The following FOXP1 variants were observed in gnomAD, a reference collection of about 807,000 sequenced individuals.
FOXP1 encodes forkhead box P1, also known as forkhead box protein P1.
In FOXP1, 15 loss-of-function variants were observed where a neutral mutation model predicts 98.2. The observed-to-expected ratio is 0.15, with a 90% confidence interval of 0.10 to 0.24. The LOEUF (loss-of-function observed/expected upper bound fraction) is 0.24. FOXP1 is among the 10% of genes least tolerant of loss of function. The pLI is 1.00. For synonymous variants in FOXP1, 371 were observed against 314.5 expected (o/e 1.18, Z -1.90); for missense variants, 633 against 848.5 (o/e 0.75, Z 3.15).
At chr3:71,510,441 C>A (rs2042124443) in intron 2 of FOXP1, among the ~76,000 whole-genome samples, 1 of 152,050 alleles carries the variant, frequency 6.6e-6, no homozygotes, top group African/African-American at 2.4e-5. Context: ...CCCACCACTG[C>A]ACTCCAGCCT....
intron 13 of FOXP1, among the ~76,000 whole-genome samples, chr3:71,000,318 T>C (rs1475247959): frequency 3.0e-5 from 4 of 134,944 alleles, no homozygotes; most frequent in Non-Finnish European, 6.3e-5. Flanking sequence ...TATATATATA[T>C]ATACACTCTA....
intron 5 of FOXP1, among the ~76,000 whole-genome samples, chr3:71,256,314 A>G (rs2068618860): frequency 6.6e-6 from 1 of 152,132 alleles, no homozygotes; most frequent in African/African-American, 2.4e-5. Context: ...GAGCTCAGGG[A>G]CAGCAGGGGT....
chr3:71,055,380 T>TCATC (rs1307894700), intron 7 of FOXP1, among the ~76,000 whole-genome samples: 1 of 152,186 alleles, frequency 6.6e-6, no homozygotes, highest in East Asian at 1.9e-4. Flanking sequence ...CTCTGGAAGG[T>TCATC]CATCCATGAA....
chr3:71,345,929 T>C (rs1466930526), intron 4 of FOXP1, among the ~76,000 whole-genome samples: 1 of 129,264 alleles, frequency 7.7e-6, no homozygotes, highest in East Asian at 2.3e-4. Flanking sequence ...AGGCCCAATA[T>C]GCAATGAGAC....
At chr3:71,144,605 GGACCT>G (rs2108020167) in intron 6 of FOXP1, among the ~76,000 whole-genome samples, 1 of 152,336 alleles carries the variant, frequency 6.6e-6, no homozygotes, top group African/African-American at 2.4e-5. Flanking sequence ...CAAGTGTTCG[GGACCT>G]GACAGAACGG....
At chr3:71,374,037 C>A (rs1015280219) in intron 3 of FOXP1, among the ~76,000 whole-genome samples, 1 of 152,108 alleles carries the variant, frequency 6.6e-6, no homozygotes, top group African/African-American at 2.4e-5. Flanking sequence ...TAAATTTAGA[C>A]CACCATAATT....
intron 3 of FOXP1, among the ~76,000 whole-genome samples, chr3:71,397,963 G>C (rs897700495): frequency 6.6e-6 from 1 of 152,136 alleles, no homozygotes; most frequent in Non-Finnish European, 1.5e-5. Context: ...GAGAGAGTGG[G>C]GAAAGAGAGA....
chr3:71,155,778 C>A (rs1368706720), intron 6 of FOXP1, among the ~76,000 whole-genome samples: 1 of 152,202 alleles, frequency 6.6e-6, no homozygotes, highest in African/African-American at 2.4e-5. Flanking sequence ...GAACATTCAG[C>A]CCTCATTCAG....
At chr3:71,345,991 G>C (rs1049799249) in intron 4 of FOXP1, among the ~76,000 whole-genome samples, 1 of 151,524 alleles carries the variant, frequency 6.6e-6, no homozygotes, top group South Asian at 2.1e-4. Context: ...TGGTATTTCA[G>C]AGAGAGCCGA....
rs529220622 is a variant in FOXP1 at position 71,164,360 on chromosome 3, C to T, written c.180+33842G>A. Among the ~76,000 whole-genome samples, 11 of 152,202 alleles carry T rather than the reference C, an allele frequency of 7.2e-5. No homozygotes were observed. In the East Asian group the frequency reaches 1.2e-3, roughly 16 times the overall value. On this transcript the variant is annotated intron_variant, in intron 6 of 20. Coordinates refer to ENST00000649528, the MANE Select transcript of FOXP1 (RefSeq NM_001349338.3). ...GACTACAGGCGCCCGCCACCACGCC[C>T]GGAGAATTTTTTGTATTTTTAGTGG...
At chr3:71,221,350 G>A (rs532693760) in intron 5 of FOXP1, among the ~76,000 whole-genome samples, 1 of 152,306 alleles carries the variant, frequency 6.6e-6, no homozygotes. Context: ...ACATTCCAGG[G>A]TAGAGTCTTG....
intron 7 of FOXP1, among the ~76,000 whole-genome samples, chr3:71,079,839 T>A (rs529074401): frequency 6.6e-6 from 1 of 152,224 alleles, no homozygotes; most frequent in Non-Finnish European, 1.5e-5. Flanking sequence ...GCTTACTTAA[T>A]CTTTATCATA....
chr3:71,254,039 T>C (rs561933219), intron 5 of FOXP1, among the ~76,000 whole-genome samples: 1 of 152,334 alleles, frequency 6.6e-6, no homozygotes, highest in Non-Finnish European at 1.5e-5. Flanking sequence ...AGTTTCTACC[T>C]TCCTGAATTG....
intron 11 of FOXP1, among the ~76,000 whole-genome samples, chr3:71,037,100 C>G (rs1283950410): frequency 6.6e-6 from 1 of 152,168 alleles, no homozygotes; most frequent in Non-Finnish European, 1.5e-5. Context: ...TGGGTATAAT[C>G]ATCCTTACTG....
At chr3:71,434,863 G>A (rs2085088230) in intron 3 of FOXP1, among the ~76,000 whole-genome samples, 1 of 151,996 alleles carries the variant, frequency 6.6e-6, no homozygotes, top group Non-Finnish European at 1.5e-5. Flanking sequence ...CACAAATAGA[G>A]AGACTCAGAG....
chr3:71,205,940 T>C (rs1397778095), intron 5 of FOXP1, among the ~76,000 whole-genome samples: 1 of 152,150 alleles, frequency 6.6e-6, no homozygotes, highest in Non-Finnish European at 1.5e-5. Context: ...AGAAAAGAAA[T>C]AGGAACTAAC....
chr3:71,437,545 G>A (rs1255256989), intron 3 of FOXP1, among the ~76,000 whole-genome samples: 2 of 152,164 alleles, frequency 1.3e-5, no homozygotes, highest in African/African-American at 2.4e-5. Flanking sequence ...CTGGACTGGG[G>A]CAGAGTGAGG....
chr3:71,564,628 G>T (rs920012391), intron 2 of FOXP1, among the ~76,000 whole-genome samples: 7 of 152,150 alleles, frequency 4.6e-5, no homozygotes, highest in Admixed American at 2.0e-4. Context: ...TGAGGATTTG[G>T]TTACACCCTT....
intron 7 of FOXP1, among the ~76,000 whole-genome samples, chr3:71,060,006 A>G (rs998511450): frequency 2.6e-5 from 4 of 152,170 alleles, no homozygotes; most frequent in African/African-American, 9.6e-5. Flanking sequence ...GAAAAACATA[A>G]TGTCTATCTT....
Sources: allele counts gnomAD v4.1 joint callset (sites outside exome capture counted in the v4.1 genomes callset), GRCh38; gene constraint gnomAD v4.1.1; transcripts MANE v1.5; gene names NCBI Gene and HGNC (gene_info 2026-07-23, HGNC 2026-07-21).